TENT5D: variants seen among roughly 807,000 people sequenced by gnomAD.
TENT5D encodes cancer/testis antigen 112.
For missense variants in TENT5D, 191 were observed against 287.0 expected (o/e 0.67, Z 2.42); for synonymous variants, 103 against 100.6 (o/e 1.02, Z -0.15).
At chrX:80,339,008 T>A (rs746482943) in intron 2 of TENT5D, among the ~76,000 whole-genome samples, 1 of 112,219 alleles carries the variant, frequency 8.9e-6, no homozygotes, top group South Asian at 3.6e-4. Context: ...ATTTGATACC[T>A]AAGGTAATCT....
upstream of TENT5D, among the ~76,000 whole-genome samples, chrX:80,417,827 T>C (rs1170788526): frequency 1.8e-5 from 2 of 111,374 alleles, no homozygotes; most frequent in African/African-American, 6.5e-5. Flanking sequence ...AGGGATTCTC[T>C]GCATTTCCTG....
chrX:80,373,623 A>G (rs1930670598), intron 3 of TENT5D, among the ~76,000 whole-genome samples: 1 of 111,216 alleles, frequency 9.0e-6, no homozygotes, highest in South Asian at 3.8e-4. Context: ...TAATTTGACC[A>G]AAGCTATATA....
At chrX:80,401,033 T>A (rs1405258544) in intron 3 of TENT5D, among the ~76,000 whole-genome samples, 1 of 112,089 alleles carries the variant, frequency 8.9e-6, no homozygotes, top group Non-Finnish European at 1.9e-5. Flanking sequence ...CAATATTATG[T>A]TTTTAAATCC....
chrX:80,340,188 T>G (rs1929932084), intron 2 of TENT5D, among the ~76,000 whole-genome samples: 1 of 110,821 alleles, frequency 9.0e-6, no homozygotes, highest in Admixed American at 9.7e-5. Flanking sequence ...AACATTTTCC[T>G]TATCTCTATG....
chrX:80,353,162 GTC>G (rs1362979461), intron 3 of TENT5D, among the ~76,000 whole-genome samples: 6 of 112,440 alleles, frequency 5.3e-5, no homozygotes, highest in Non-Finnish European at 9.4e-5. Context: ...TAATTGGTTT[GTC>G]TTATTCTTAA....
intron 3 of TENT5D, among the ~76,000 whole-genome samples, chrX:80,364,333 T>C (rs1930465311): frequency 8.9e-6 from 1 of 111,813 alleles, no homozygotes; most frequent in African/African-American, 3.2e-5. Context: ...ATGACACTGG[T>C]ATTTGCCCAC....
At chrX:80,376,439 T>C (rs1367828710) in intron 3 of TENT5D, among the ~76,000 whole-genome samples, 2 of 111,793 alleles carry the variant, frequency 1.8e-5, no homozygotes, top group African/African-American at 6.5e-5. Context: ...TTATGTATTG[T>C]AGTAAATATT....
intron 3 of TENT5D, among the ~76,000 whole-genome samples, chrX:80,372,939 C>T (rs1930654582): frequency 9.3e-6 from 1 of 107,942 alleles, no homozygotes; most frequent in Non-Finnish European, 1.9e-5. Flanking sequence ...TTCATATTAC[C>T]AAAGTTACAA....
At chrX:80,379,864 C>A (rs1354330579) in intron 3 of TENT5D, among the ~76,000 whole-genome samples, 1 of 109,138 alleles carries the variant, frequency 9.2e-6, no homozygotes, top group African/African-American at 3.3e-5. Context: ...CTTTATTATT[C>A]TTGCTAGTGG....
At chrX:80,358,958 A>G (rs1433032716) in intron 3 of TENT5D, among the ~76,000 whole-genome samples, 2 of 112,206 alleles carry the variant, frequency 1.8e-5, no homozygotes, top group African/African-American at 6.5e-5. Flanking sequence ...AGATAGGTAG[A>G]ACAACTAGAT....
chrX:80,355,390 A>G (rs1289504716), intron 3 of TENT5D, among the ~76,000 whole-genome samples: 4 of 111,468 alleles, frequency 3.6e-5, no homozygotes, highest in Non-Finnish European at 7.5e-5. Context: ...GGCCAAGATA[A>G]CCCTGCTCTG....
At chrX:80,423,840 T>G (rs2147561074) in intron 1 of TENT5D, among the ~76,000 whole-genome samples, 1 of 111,458 alleles carries the variant, frequency 9.0e-6, no homozygotes, top group South Asian at 3.8e-4. Flanking sequence ...AGTCTTGTTC[T>G]CTTATTACCG....
intron 3 of TENT5D, among the ~76,000 whole-genome samples, chrX:80,386,637 G>A (rs1014042433): frequency 2.7e-5 from 3 of 111,592 alleles, no homozygotes; most frequent in Non-Finnish European, 3.8e-5. Flanking sequence ...TTGTAGGATC[G>A]TTATTAATAA....
intron 1 of TENT5D, among the ~76,000 whole-genome samples, chrX:80,431,044 C>T (rs756264016): frequency 1.8e-5 from 2 of 111,790 alleles, no homozygotes; most frequent in African/African-American, 6.5e-5. Context: ...CCCAGTGAAA[C>T]ATTAGAATTC....
chrX:80,358,472 G>A (rs1050523031), intron 3 of TENT5D, among the ~76,000 whole-genome samples: 2 of 112,342 alleles, frequency 1.8e-5, no homozygotes, highest in Non-Finnish European at 3.8e-5. Flanking sequence ...AGTGAAGCTT[G>A]TAATCATAGA....
At chrX:80,396,927 A>G (rs1931267387) in intron 3 of TENT5D, among the ~76,000 whole-genome samples, 1 of 86,836 alleles carries the variant, frequency 1.2e-5, no homozygotes, top group Non-Finnish European at 2.3e-5. Context: ...TCCCTCCCAG[A>G]CGGGGCGGCT....
At chrX:80,359,340 C>T (rs1229417096) in intron 3 of TENT5D, among the ~76,000 whole-genome samples, 1 of 111,668 alleles carries the variant, frequency 9.0e-6, no homozygotes, top group Admixed American at 9.5e-5. Flanking sequence ...ACTATAAAGA[C>T]ACATGCACAC....
rs756070644 is a variant in TENT5D at position 80,394,962 on chromosome X, T to G, written c.-141-43648T>G. 5.4e-5 allele frequency among the ~76,000 whole-genome samples: 6 copies of G among 111,569 alleles called. No individual in the cohort carries two copies. In the South Asian group the frequency reaches 1.9e-3, roughly 35 times the overall value. On this transcript the variant is annotated intron_variant, in intron 3 of 4. Transcript: ENST00000538312. The stretch of plus-strand genomic sequence containing the variant: ...CTAATGTGCAATAGGATACCAGAAC[T>G]TATTTCTCCTATCTAATTGTAACTT...
At chrX:80,366,166 C>G (rs980641041) in intron 3 of TENT5D, among the ~76,000 whole-genome samples, 2 of 105,491 alleles carry the variant, frequency 1.9e-5, no homozygotes, top group African/African-American at 6.9e-5. Context: ...AAATAGATCT[C>G]TCTAGTGGTG....
Sources: gnomAD v4.1 joint callset for allele counts (sites outside exome capture counted in the v4.1 genomes callset) on GRCh38, gnomAD v4.1.1 for gene constraint, MANE v1.5 for transcripts, NCBI Gene and HGNC (gene_info 2026-07-23, HGNC 2026-07-21) for gene names.